Variants in EPM2A observed in about 807,000 individuals in gnomAD.
EPM2A encodes the protein laforin.
A neutral mutation model predicts 26.5 loss-of-function variants in EPM2A; 21 were observed. That is an observed-to-expected ratio of 0.79 (90% CI 0.56 to 1.14). The LOEUF (loss-of-function observed/expected upper bound fraction) is 1.14. Among genes scored for constraint, EPM2A ranks in the 50% most tolerant of loss-of-function variants. The pLI is 0.00. For missense variants in EPM2A, 458 were observed against 440.8 expected, an observed-to-expected ratio of 1.04 and a Z score of -0.35; for synonymous variants, 217 against 177.6, an observed-to-expected ratio of 1.22 and a Z score of -1.76.
intron 1 of EPM2A, among the ~76,000 whole-genome samples, chr6:145,688,448 T>G (rs982597065): frequency 6.6e-6 from 1 of 152,170 alleles, no homozygotes; most frequent in African/African-American, 2.4e-5. Flanking sequence ...GTGGCACTAT[T>G]CACTGAGATG....
rs554592481 is a variant in EPM2A, at chr6:145,431,624, G to C, written c.556-47527C>G. On this transcript the variant is annotated intron_variant, in intron 4 of 4. Transcript: ENST00000638717. Reference sequence around the variant, plus strand: ...TAAAGAATACTTATGATCATCTCAGGCTTCAGCGAGTAGTAATCTTTTTGC... The same window carrying C: ...TAAAGAATACTTATGATCATCTCAGCCTTCAGCGAGTAGTAATCTTTTTGC... Among the ~76,000 whole-genome samples, 4 of 152,256 alleles carry C rather than the reference G, an allele frequency of 2.6e-5. No individual in the cohort carries two copies. In the East Asian group the frequency reaches 7.7e-4, roughly 29 times the overall value.
intron 2 of EPM2A, chr6:145,639,011 T>C (rs1342079694): frequency 1.3e-5 from 2 of 152,228 alleles, no homozygotes. Flanking sequence ...TTGGTATCAA[T>C]GTTATTTTAA....
At chr6:145,600,552 C>T (rs1447806609) in intron 2 of EPM2A, among the ~76,000 whole-genome samples, 1 of 152,164 alleles carries the variant, frequency 6.6e-6, no homozygotes. Flanking sequence ...ATGGTAGTTG[C>T]TTAGGAGTGT....
At chr6:145,611,393 G>C (rs1180814228) in intron 2 of EPM2A, among the ~76,000 whole-genome samples, 3 of 151,656 alleles carry the variant, frequency 2.0e-5, no homozygotes, top group Admixed American at 2.0e-4. Flanking sequence ...TTGCCTAGTT[G>C]GTTTCATATA....
At chr6:145,612,643 T>G (rs1775415490) in intron 2 of EPM2A, among the ~76,000 whole-genome samples, 2 of 150,622 alleles carry the variant, frequency 1.3e-5, no homozygotes, top group South Asian at 4.2e-4. Context: ...CACACAATTT[T>G]TTTTCATTTC....
chr6:145,615,701 A>T (rs1339479460), intron 2 of EPM2A, among the ~76,000 whole-genome samples: 1 of 152,044 alleles, frequency 6.6e-6, no homozygotes, highest in Non-Finnish European at 1.5e-5. Flanking sequence ...ATCCAAGCTG[A>T]GGTGGTCTCA....
intron 2 of EPM2A, among the ~76,000 whole-genome samples, chr6:145,539,763 G>A (rs1444026693): frequency 1.3e-5 from 2 of 152,068 alleles, no homozygotes; most frequent in African/African-American, 4.8e-5. Context: ...TTTGATGTAT[G>A]GGGTCTTGCT....
At chr6:145,495,429 T>C (rs1779804844) in intron 4 of EPM2A, among the ~76,000 whole-genome samples, 1 of 152,144 alleles carries the variant, frequency 6.6e-6, no homozygotes, top group Non-Finnish European at 1.5e-5. Flanking sequence ...TGATGGGTCT[T>C]GGTTCTTTAT....
intron 2 of EPM2A, among the ~76,000 whole-genome samples, chr6:145,583,508 C>T (rs767303706): frequency 2.6e-5 from 4 of 152,126 alleles, no homozygotes; most frequent in Non-Finnish European, 5.9e-5. Context: ...TCTGCCCCCT[C>T]GAGGTTAGAA....
chr6:145,661,358 G>A (rs1006716334), intron 2 of EPM2A, among the ~76,000 whole-genome samples: 1 of 152,116 alleles, frequency 6.6e-6, no homozygotes, highest in Non-Finnish European at 1.5e-5. Flanking sequence ...TAGTCATAGT[G>A]ACCAGAACAA....
intron 1 of EPM2A, among the ~76,000 whole-genome samples, chr6:145,718,774 AC>A (rs1321269290): frequency 3.3e-5 from 5 of 152,108 alleles, no homozygotes; most frequent in African/African-American, 9.7e-5. Flanking sequence ...AAATTTACAC[AC>A]AAAAAACGAA....
At chr6:145,727,220 G>T (rs1583136745) in intron 1 of EPM2A, among the ~76,000 whole-genome samples, 1 of 152,104 alleles carries the variant, frequency 6.6e-6, no homozygotes, top group South Asian at 2.1e-4. Flanking sequence ...GAGAAGATAA[G>T]GACACTGGCT....
intron 1 of EPM2A, among the ~76,000 whole-genome samples, chr6:145,703,505 A>G (rs1019032555): frequency 6.6e-6 from 1 of 152,190 alleles, no homozygotes; most frequent in Admixed American, 6.5e-5. Context: ...TATTTATTCT[A>G]TCTACATCAA....
intron 2 of EPM2A, among the ~76,000 whole-genome samples, chr6:145,663,407 G>T (rs564501175): frequency 1.3e-5 from 2 of 152,190 alleles, no homozygotes; most frequent in East Asian, 3.9e-4. Context: ...TGCACGCACC[G>T]TGCGTGAGCC....
intron 2 of EPM2A, among the ~76,000 whole-genome samples, chr6:145,684,140 GAATAC>G (rs1334180190): frequency 6.6e-6 from 1 of 151,730 alleles, no homozygotes; most frequent in Non-Finnish European, 1.5e-5. Context: ...TGAAAATTAA[GAATAC>G]AATTACCAAA....
chr6:145,392,043 ACCCTGGTGGCTTACATGTTTAAGAAC>A (rs1276574732), intron 4 of EPM2A, among the ~76,000 whole-genome samples: 1 of 152,048 alleles, frequency 6.6e-6, no homozygotes, highest in Admixed American at 6.6e-5. Context: ...ACCATCAGAA[ACCCTGGTGGCTTACATGTTTAAGAAC>A]CAGGGAAACA....
At chr6:145,735,076 G>A (rs1033194408) in intron 1 of EPM2A, 122 bp downstream of exon 1, 44 of 590,168 alleles carry the variant, frequency 7.5e-5, no homozygotes, top group Non-Finnish European at 9.7e-5. Flanking sequence ...CAGGGACGCG[G>A]GCAAAAAGCC....
At chr6:145,386,233 T>G (rs1582713107) in intron 4 of EPM2A, among the ~76,000 whole-genome samples, 1 of 152,164 alleles carries the variant, frequency 6.6e-6, no homozygotes, top group African/African-American at 2.4e-5. Context: ...TTTGCTCAGA[T>G]TGGACACTGG....
intron 2 of EPM2A, among the ~76,000 whole-genome samples, chr6:145,604,833 C>A (rs961701409): frequency 6.6e-6 from 1 of 152,066 alleles, no homozygotes; most frequent in Non-Finnish European, 1.5e-5. Context: ...CAGAAAATGT[C>A]CCTTAGTCAA....
Sources: gnomAD v4.1 joint callset for allele counts (sites outside exome capture counted in the v4.1 genomes callset) on GRCh38, gnomAD v4.1.1 for gene constraint, MANE v1.5 for transcripts, NCBI Gene and HGNC (gene_info 2026-07-23, HGNC 2026-07-21) for gene names.